The following STXBP5 variants were observed in gnomAD, a reference collection of about 807,000 sequenced individuals.
STXBP5 encodes syntaxin-binding protein 5.
A neutral mutation model predicts 152.4 loss-of-function variants in STXBP5; 50 were observed. The observed-to-expected ratio is 0.33, with a 90% CI of 0.26 to 0.42. STXBP5 has a LOEUF of 0.42. Among genes scored for constraint, STXBP5 ranks in the 10% least tolerant of loss-of-function variants. The pLI, the probability that STXBP5 is intolerant of heterozygous loss-of-function variation, is 1.00. For missense variants in STXBP5, 1,167 were observed against 1,388.6 expected, an observed-to-expected ratio of 0.84 and a Z score of 2.54; for synonymous variants, 492 against 494.7, an observed-to-expected ratio of 0.99 and a Z score of 0.07.
intron 9 of STXBP5, among the ~76,000 whole-genome samples, chr6:147,296,621 A>G (rs567505054): frequency 6.6e-6 from 1 of 152,334 alleles, no homozygotes; most frequent in South Asian, 2.1e-4. Flanking sequence ...TTCTTCAGTG[A>G]CAGAATCCAA....
Position 147,263,662 on chromosome 6 carries a change from G to A in STXBP5, c.630+1309G>A, listed in dbSNP as rs570436437. 2.6e-5 allele frequency among the ~76,000 whole-genome samples: 4 copies of A among 152,016 alleles called. No individual in the cohort carries two copies. The South Asian group carries it at 8.3e-4, about 32-fold the overall frequency. On this transcript the variant is annotated intron_variant, in intron 6 of 27. Transcript: ENST00000321680. The stretch of plus-strand genomic sequence containing the variant: ...AGCAAATAGTTGTATTTTCAGTTAT[G>A]AACTGCTCTTTGATGTTTCCATACC...
At chr6:147,233,177 C>T (rs1440431142) in intron 2 of STXBP5, among the ~76,000 whole-genome samples, 2 of 151,602 alleles carry the variant, frequency 1.3e-5, no homozygotes, top group Non-Finnish European at 3.0e-5. Flanking sequence ...AAGATGAATG[C>T]GTTTGAAAGA....
Position 147,314,009 on chromosome 6 carries a change from A to G in STXBP5, c.1271A>G (p.Lys424Arg). The G allele has an allele frequency of 8.8e-6, 14 of 1,592,198 alleles. No homozygotes were observed. The highest frequency in any genetic ancestry group is 1.2e-5 in the Non-Finnish European group (14 of 1,166,244). ...PALYSVGARQ[K>R]RQGYSKKEWP... ...CTTTATTCTGTTGGAGCTAGACAGA[A>G]ACGTCAAGGTTACAGCAAAAAGGTA... The change falls in exon 12 of 28, where the codon AAA becomes AGA. Residue 424 changes from lysine (K) to arginine (R), a missense_variant. Around this residue, in one of 3 missense-constraint regions of STXBP5, gnomAD observed 833 missense variants for 986.3 expected, o/e 0.84. Transcript: ENST00000321680.
chr6:147,326,740 C>G (rs1582948912), intron 17 of STXBP5, among the ~76,000 whole-genome samples: 1 of 152,154 alleles, frequency 6.6e-6, no homozygotes, highest in Non-Finnish European at 1.5e-5. Context: ...AAACTTACCC[C>G]AAAGTATAAT....
chr6:147,216,336 G>C (rs1390443687), intron 2 of STXBP5, among the ~76,000 whole-genome samples: 2 of 152,092 alleles, frequency 1.3e-5, no homozygotes, highest in East Asian at 1.9e-4. Context: ...AGGTTGCCGT[G>C]AGCTGAGACT....
At chr6:147,293,058 A>G (rs1781356387) in intron 9 of STXBP5, 1 of 152,126 alleles carries the variant, frequency 6.6e-6, no homozygotes, top group Non-Finnish European at 1.5e-5. Flanking sequence ...ACAAATACTT[A>G]CCATTGTGTT....
chr6:147,212,290 A>G (rs1351834561), intron 2 of STXBP5, among the ~76,000 whole-genome samples: 3 of 152,200 alleles, frequency 2.0e-5, no homozygotes, highest in Non-Finnish European at 4.4e-5. Flanking sequence ...TTTCTGCTTT[A>G]AGTAAGATGA....
chr6:147,236,609 T>C (rs537826047), intron 3 of STXBP5, among the ~76,000 whole-genome samples: 1 of 151,366 alleles, frequency 6.6e-6, no homozygotes, highest in Admixed American at 6.6e-5. Flanking sequence ...GTGCATGTAG[T>C]TCAGTTTTAT....
At chr6:147,272,385 A>G (rs1366147988) in intron 7 of STXBP5, among the ~76,000 whole-genome samples, 2 of 152,212 alleles carry the variant, frequency 1.3e-5, no homozygotes, top group African/African-American at 2.4e-5. Flanking sequence ...AATGAAAATC[A>G]TGTGTTCTAA....
intron 4 of STXBP5, among the ~76,000 whole-genome samples, chr6:147,250,642 C>A (rs1261304436): frequency 2.0e-5 from 3 of 152,126 alleles, no homozygotes; most frequent in Non-Finnish European, 4.4e-5. Flanking sequence ...CATCCCACCT[C>A]TGCATGCTGG....
chr6:147,246,432 A>AT (rs1778812609), intron 4 of STXBP5, among the ~76,000 whole-genome samples: 1 of 152,126 alleles, frequency 6.6e-6, no homozygotes, highest in Non-Finnish European at 1.5e-5. Flanking sequence ...TTACCTCTTG[A>AT]TTTATATAAT....
rs561242249 is a variant in STXBP5 at position 147,387,297 on chromosome 6, G to A, written c.*2542G>A. ...AAAGTAATAGTCACCAGCAAGCCAC[G>A]ATTTCAGGAAAACTGACTAAAAAAA... On this transcript the variant is annotated 3_prime_UTR_variant, in exon 28 of 28. Transcript: ENST00000321680. 2.0e-5 allele frequency: 3 copies of A among 151,066 alleles called. No homozygotes were observed. Among genetic ancestry groups the A allele is most frequent in the East Asian group, 1.9e-4 (1 of 5,144 alleles). 9.4% of individuals were successfully genotyped at this position (151,066 alleles called of 1,614,324 possible).
chr6:147,369,270 C>CA lies in STXBP5; in HGVS notation c.3082-4453dup, dbSNP rs532365049. Among the ~76,000 whole-genome samples, 47 of 151,276 alleles carry CA rather than the reference C, an allele frequency of 3.1e-4. No homozygotes were observed. The South Asian group carries it at 4.6e-3, about 15-fold the overall frequency. ...GCTGGAACTATTGGATATTAAAATG[C>CA]AAAAAAAATCAGCTTTGATCCACGC... On this transcript the variant is annotated intron_variant, in intron 25 of 27. Coordinates refer to ENST00000321680, the MANE Select transcript of STXBP5 (RefSeq NM_001127715.4).
rs1394354606 is a variant in STXBP5 at position 147,321,698 on chromosome 6, CTG to C, written c.1803-3258_1803-3257del. On this transcript the variant is annotated intron_variant, in intron 16 of 27. Transcript: ENST00000321680. ...ACTTGCTCAAACAATCATTTTGAAA[CTG>C]TGAGGCTCTACGCATCACTTTAACA... Among the ~76,000 whole-genome samples the C allele has an allele frequency of 3.9e-5, 6 of 152,332 alleles. No individual in the cohort carries two copies. In the East Asian group the frequency reaches 1.2e-3, roughly 29 times the overall value.
chr6:147,354,436 A>G (rs560119374), intron 22 of STXBP5, among the ~76,000 whole-genome samples: 28 of 151,966 alleles, frequency 1.8e-4, no homozygotes, highest in African/African-American at 6.5e-4. Context: ...GATAGTAGAC[A>G]TTTTGAGAAG....
intron 8 of STXBP5, among the ~76,000 whole-genome samples, chr6:147,282,203 T>A (rs1275499944): frequency 6.6e-6 from 1 of 152,236 alleles, no homozygotes; most frequent in Non-Finnish European, 1.5e-5. Context: ...GACTAGTTTT[T>A]CTTATATTTA....
At chr6:147,353,394 A>G (rs1281978170) in intron 22 of STXBP5, 21 bp downstream of exon 22, 12 of 1,509,836 alleles carry the variant, frequency 7.9e-6, no homozygotes, top group Admixed American at 2.0e-5. Flanking sequence ...TAAATATTCA[A>G]AATAATTTAA....
intron 2 of STXBP5, 62 bp from the exon 3 acceptor site, chr6:147,235,188 T>C (rs1351720526): frequency 7.1e-7 from 1 of 1,409,962 alleles, no homozygotes; most frequent in Non-Finnish European, 1.0e-6. Context: ...GCCTATTATA[T>C]AACTTACCAG....
chr6:147,206,119 C>T (rs74342338), intron 2 of STXBP5, 51 bp downstream of exon 2: 3 of 1,502,184 alleles, frequency 2.0e-6, no homozygotes, highest in Non-Finnish European at 2.8e-6. Flanking sequence ...TCTCCCCAGT[C>T]CTTCTGTGTT....
Sources: gnomAD v4.1 joint callset for allele counts (sites outside exome capture counted in the v4.1 genomes callset) on GRCh38, gnomAD v4.1.1 for gene constraint, gnomAD v4.1.1 regional missense constraint, MANE v1.5 for transcripts, NCBI Gene and HGNC (gene_info 2026-07-23, HGNC 2026-07-21) for gene names.